The following ZNF624 variants were observed in gnomAD, a reference collection of about 807,000 sequenced individuals.
ZNF624 encodes zinc finger protein 624.
A neutral mutation model predicts 74.7 loss-of-function variants in ZNF624; 43 were observed. The observed-to-expected ratio is 0.58, with a 90% CI of 0.45 to 0.74. The LOEUF is 0.74. ZNF624 is among the 30% of genes least tolerant of loss of function. The pLI, the probability that ZNF624 is intolerant of heterozygous loss-of-function variation, is 0.00. For missense variants in ZNF624, 820 were observed against 1,030.0 expected (o/e 0.80, Z 2.79); for synonymous variants, 331 against 341.3 (o/e 0.97, Z 0.33).
At chr17:16,638,469 C>T (rs1421214553) in intron 3 of ZNF624, among the ~76,000 whole-genome samples, 1 of 152,174 alleles carries the variant, frequency 6.6e-6, no homozygotes, top group Non-Finnish European at 1.5e-5. Context: ...ACCCAAATGT[C>T]CAACAACGAT....
intron 3 of ZNF624, among the ~76,000 whole-genome samples, chr17:16,636,995 C>A (rs950799979): frequency 2.6e-5 from 4 of 152,050 alleles, no homozygotes; most frequent in Admixed American, 2.6e-4. Context: ...ATAAACAGAA[C>A]CAACATAGTG....
downstream of ZNF624, chr17:16,617,066 G>A (rs1302455592): frequency 1.9e-6 from 3 of 1,611,640 alleles, no homozygotes; most frequent in Non-Finnish European, 2.5e-6. Flanking sequence ...GACCTGCTTC[G>A]ATATTTCTCA....
intron 1 of ZNF624, among the ~76,000 whole-genome samples, chr17:16,650,165 TCA>T (rs1439438949): frequency 5.9e-5 from 9 of 152,126 alleles, no homozygotes; most frequent in East Asian, 1.9e-4. Flanking sequence ...AAAAAATACT[TCA>T]GTCTTTCTTT....
At chr17:16,615,169 C>G in the ZNF624 span, among the ~76,000 whole-genome samples, 1 of 152,174 alleles carries the variant, frequency 6.6e-6, no homozygotes, top group Non-Finnish European at 1.5e-5. Context: ...GCGATCTGGG[C>G]TCACTGCAAG....
chr17:16,630,048 T>G (rs1909169844), intron 5 of ZNF624, among the ~76,000 whole-genome samples: 1 of 151,902 alleles, frequency 6.6e-6, no homozygotes, highest in Non-Finnish European at 1.5e-5. Context: ...CAGCAGAGAG[T>G]CCTTATGATC....
chr17:16,626,117 T>C (rs898585191), intron 5 of ZNF624, among the ~76,000 whole-genome samples: 8 of 152,116 alleles, frequency 5.3e-5, no homozygotes, highest in Non-Finnish European at 7.4e-5. Flanking sequence ...ATCCAGCTAA[T>C]TTTTCTTATT....
intron 1 of ZNF624, 100 bp from the exon 2 acceptor site, chr17:16,649,846 G>C (rs1156259483): frequency 2.3e-6 from 2 of 869,712 alleles, no homozygotes; most frequent in Non-Finnish European, 3.8e-6. Context: ...ACCTCCCTAA[G>C]GAAGCACAAG....
intron 5 of ZNF624, among the ~76,000 whole-genome samples, chr17:16,630,461 C>T (rs1043517926): frequency 6.6e-6 from 1 of 151,864 alleles, no homozygotes; most frequent in South Asian, 2.1e-4. Context: ...AGAGGCTGAG[C>T]GAGTAGAATC....
Position 16,623,545 on chromosome 17 carries a change from G to A in ZNF624, c.1341C>T (p.Asn447=), listed in dbSNP as rs752904195. ...THTEEKPYQC[N]ECGKSFKNTT... is the part of the protein sequence containing the mutation. Reference sequence around the variant, plus strand: ...TATTCTTAAAAGACTTCCCACACTCGTTGCACTGATATGGTTTCTCTTCAG... The same window carrying A: ...TATTCTTAAAAGACTTCCCACACTCATTGCACTGATATGGTTTCTCTTCAG... Residue 447 remains asparagine, a synonymous_variant, in exon 6 of 6, where the codon AAC becomes AAT. Transcript: ENST00000311331. This position sits in a 1 kb window ranked among gnomAD's most constrained non-coding sequence, Gnocchi z 5.3. The A allele has an allele frequency of 2.9e-5, 46 of 1,610,162 alleles. No individual in the cohort carries two copies. Among genetic ancestry groups the A allele is most frequent in the Non-Finnish European group, 3.5e-5 (41 of 1,178,752 alleles).
At chr17:16,637,668 A>T (rs1316054261) in intron 3 of ZNF624, among the ~76,000 whole-genome samples, 1 of 152,262 alleles carries the variant, frequency 6.6e-6, no homozygotes, top group African/African-American at 2.4e-5. Flanking sequence ...GGCCATATGT[A>T]GAAAGCTGAA....
chr17:16,616,550 A>AAAAC (rs576047398), downstream of ZNF624, among the ~76,000 whole-genome samples: 20 of 152,010 alleles, frequency 1.3e-4, no homozygotes, highest in South Asian at 8.3e-4. Context: ...TGAAATACTT[A>AAAAC]AAACAAACAA....
Position 16,634,487 on chromosome 17 carries a change from G to A in ZNF624, c.280+143C>T. On this transcript the variant is annotated intron_variant, in intron 4 of 5. Transcript: ENST00000311331. ...TCTTACTCTACAATGGGCAGATCAT[G>A]TAGTTAAGAGTGAGGAATAGCATAA... The A allele has an allele frequency of 3.9e-6, 3 of 779,068 alleles. No homozygotes were observed. The South Asian group carries it at 6.7e-5, about 17-fold the overall frequency. The allele number at this position is 779,068 out of a possible 1,614,324, so 48.3% of individuals were successfully genotyped here. A position where few individuals can be genotyped will look rare whatever the true frequency, so the allele number is the denominator to read the frequency against.
At chr17:16,639,694 C>T (rs1335346296) in intron 3 of ZNF624, among the ~76,000 whole-genome samples, 1 of 152,128 alleles carries the variant, frequency 6.6e-6, no homozygotes. Context: ...TAACTATCAC[C>T]ATGTTAACCA....
chr17:16,634,286 G>C (rs971255911), intron 4 of ZNF624, among the ~76,000 whole-genome samples: 4 of 152,202 alleles, frequency 2.6e-5, no homozygotes, highest in African/African-American at 9.7e-5. Flanking sequence ...TATGATTCTG[G>C]TTTGGTGGGA....
At chr17:16,652,677 T>C (rs922039554) in intron 1 of ZNF624, among the ~76,000 whole-genome samples, 1 of 152,248 alleles carries the variant, frequency 6.6e-6, no homozygotes, top group South Asian at 2.1e-4. Flanking sequence ...AAAACTCTAC[T>C]GAGACCTCTG....
chr17:16,647,061 TATTGGGTCTTAC>T (rs1909610158), intron 3 of ZNF624, among the ~76,000 whole-genome samples: 1 of 152,230 alleles, frequency 6.6e-6, no homozygotes, highest in Admixed American at 6.5e-5. Flanking sequence ...AATGGCACAG[TATTGGGTCTTAC>T]AATGCAGCAC....
intron 1 of ZNF624, among the ~76,000 whole-genome samples, chr17:16,650,233 C>T (rs1909689807): frequency 6.6e-6 from 1 of 152,104 alleles, no homozygotes; most frequent in African/African-American, 2.4e-5. Context: ...CCTTTTCTTG[C>T]CTTTCCCACG....
chr17:16,639,079 A>C (rs1909407842), intron 3 of ZNF624, among the ~76,000 whole-genome samples: 1 of 152,222 alleles, frequency 6.6e-6, no homozygotes, highest in African/African-American at 2.4e-5. Context: ...AGAAGAATCT[A>C]GATTCAAATC....
At position 16,629,811 on chromosome 17, in the gene ZNF624, C is replaced by T. The variant is rs1268324004; in HGVS notation, c.376+4051G>A. On this transcript the variant is annotated intron_variant, in intron 5 of 5. Transcript: ENST00000311331. The stretch of plus-strand genomic sequence containing the variant: ...CAAACTCCTGGCCTCCAGTGCCTGC[C>T]TTGGCCTACCAAAGTGCTGGGATTA... 3.3e-5 allele frequency among the ~76,000 whole-genome samples: 5 copies of T among 152,204 alleles called. No homozygotes were observed. The East Asian group carries it at 9.6e-4, about 29-fold the overall frequency.
Sources: allele counts gnomAD v4.1 joint callset (sites outside exome capture counted in the v4.1 genomes callset), GRCh38; gene constraint gnomAD v4.1.1; non-coding constraint Gnocchi (gnomAD v3.1); transcripts MANE v1.5; gene names NCBI Gene and HGNC (gene_info 2026-07-23, HGNC 2026-07-21).